PRSS23: variants seen among roughly 807,000 people sequenced by gnomAD.
PRSS23 encodes the protein serine protease 23.
A neutral mutation model predicts 34.7 loss-of-function variants in PRSS23; 25 were observed. That is an observed-to-expected ratio of 0.72 (90% CI 0.53 to 1.01). The LOEUF (loss-of-function observed/expected upper bound fraction) is 1.01. PRSS23 is among the 50% of genes least tolerant of loss of function. The pLI is 0.00. For missense variants in PRSS23, 445 were observed against 475.6 expected (o/e 0.94, Z 0.60); for synonymous variants, 176 against 186.6 (o/e 0.94, Z 0.46).
At chr11:86,930,514 G>A (rs989517928) in intron 2 of PRSS23, among the ~76,000 whole-genome samples, 49 of 152,128 alleles carry the variant, frequency 3.2e-4, no homozygotes, top group Admixed American at 2.8e-3. Flanking sequence ...GACCAGGGCC[G>A]GGCGCGGCGG....
Position 86,923,888 on chromosome 11 carries a change from C to T in PRSS23, c.207-27328C>T, listed in dbSNP as rs536452926. ...TTGTAAGAATTCCCAACAGAAAACACGATTCAAGAGTCAATGTGGGTGCTT... is the reference window on the plus strand; with the variant it reads ...TTGTAAGAATTCCCAACAGAAAACATGATTCAAGAGTCAATGTGGGTGCTT... On this transcript the variant is annotated intron_variant, in intron 2 of 2. Transcript: ENST00000533902. Among the ~76,000 whole-genome samples the T allele has an allele frequency of 3.9e-5, 6 of 152,118 alleles. No individual in the cohort carries two copies. In the East Asian group the frequency reaches 7.7e-4, roughly 20 times the overall value.
In PRSS23 at chr11:86,849,192, C is replaced by G. The variant is rs528051223; in HGVS notation, c.206+25599C>G. ...GCCCAGCTTTCTCAGGATTAATCTCCTGCCCTGGAAGACTGTCCTCAAAGT... is the reference window on the plus strand; with the variant it reads ...GCCCAGCTTTCTCAGGATTAATCTCGTGCCCTGGAAGACTGTCCTCAAAGT... On this transcript the variant is annotated intron_variant, in intron 2 of 2. Coordinates refer to the PRSS23 transcript ENST00000533902. Among the ~76,000 whole-genome samples the G allele has an allele frequency of 2.0e-5, 3 of 152,172 alleles. No individual in the cohort carries two copies. The South Asian group carries it at 6.2e-4, about 32-fold the overall frequency.
chr11:86,825,757 T>C (rs2134880395), intron 2 of PRSS23, among the ~76,000 whole-genome samples: 2 of 151,866 alleles, frequency 1.3e-5, no homozygotes, highest in African/African-American at 2.4e-5. Flanking sequence ...CCATTGCTTG[T>C]TTTTGTCAGG....
intron 2 of PRSS23, among the ~76,000 whole-genome samples, chr11:86,908,226 T>A (rs575469872): frequency 1.3e-5 from 2 of 152,180 alleles, no homozygotes; most frequent in East Asian, 3.9e-4. Flanking sequence ...GAAGTGGGAT[T>A]ATTGATTGGA....
intron 2 of PRSS23, chr11:86,837,432 A>G (rs1271471374): frequency 6.6e-6 from 1 of 152,188 alleles, no homozygotes; most frequent in Non-Finnish European, 1.5e-5. Flanking sequence ...AATTCATGTA[A>G]GATATAACTT....
intron 1 of PRSS23, among the ~76,000 whole-genome samples, chr11:86,803,071 CT>C (rs749090952): frequency 1.6e-4 from 25 of 152,172 alleles, no homozygotes; most frequent in Non-Finnish European, 2.9e-4. Context: ...CCATTCTTCC[CT>C]GCCAGTTAGG....
chr11:86,792,209 G>A (rs1203471450), intron 1 of PRSS23, among the ~76,000 whole-genome samples: 7 of 146,894 alleles, frequency 4.8e-5, no homozygotes, highest in Non-Finnish European at 1.1e-4. Context: ...GGAGATCAGA[G>A]TAGGAAGAGA....
intron 2 of PRSS23, among the ~76,000 whole-genome samples, chr11:86,883,515 A>G (rs751853089): frequency 2.0e-5 from 3 of 152,366 alleles, no homozygotes; most frequent in African/African-American, 7.2e-5. Flanking sequence ...AAAGACTTAA[A>G]TGTAAAACCC....
chr11:86,833,735 G>A (rs998296944), intron 2 of PRSS23, among the ~76,000 whole-genome samples: 18 of 152,108 alleles, frequency 1.2e-4, no homozygotes, highest in African/African-American at 4.3e-4. Flanking sequence ...GTTTAAAGGT[G>A]GATGCAGTCA....
intron 1 of PRSS23, among the ~76,000 whole-genome samples, chr11:86,806,632 T>A (rs1228185158): frequency 1.3e-5 from 2 of 152,236 alleles, no homozygotes; most frequent in Non-Finnish European, 1.5e-5. Context: ...GCCTCTCTTG[T>A]TCTTACTCCC....
At chr11:86,861,034 G>A (rs1948609750) in intron 2 of PRSS23, among the ~76,000 whole-genome samples, 2 of 151,902 alleles carry the variant, frequency 1.3e-5, no homozygotes, top group African/African-American at 4.8e-5. Context: ...AATATCGCAG[G>A]AGGTGTACAT....
At chr11:86,854,738 G>A (rs1339186315) in intron 2 of PRSS23, among the ~76,000 whole-genome samples, 2 of 152,192 alleles carry the variant, frequency 1.3e-5, no homozygotes, top group Non-Finnish European at 2.9e-5. Context: ...TGGAAATCAA[G>A]TTTCTCCAAC....
At chr11:86,849,501 A>G (rs943884677) in intron 2 of PRSS23, among the ~76,000 whole-genome samples, 1 of 152,222 alleles carries the variant, frequency 6.6e-6, no homozygotes, top group Non-Finnish European at 1.5e-5. Flanking sequence ...CATCCAATTC[A>G]AATCAGGCTA....
chr11:86,820,808 A>G (rs1216709603), intron 1 of PRSS23, among the ~76,000 whole-genome samples: 1 of 152,142 alleles, frequency 6.6e-6, no homozygotes, highest in East Asian at 1.9e-4. Flanking sequence ...GCTCTCGCTC[A>G]ATTTTTTTTA....
chr11:86,821,920 T>A (rs1565355549), intron 1 of PRSS23, among the ~76,000 whole-genome samples: 1 of 152,194 alleles, frequency 6.6e-6, no homozygotes, highest in Non-Finnish European at 1.5e-5. Context: ...AAAAAGCACT[T>A]GCTTTTATCT....
At chr11:86,941,459 CGA>C (rs1949206973) in intron 2 of PRSS23, among the ~76,000 whole-genome samples, 1 of 151,200 alleles carries the variant, frequency 6.6e-6, no homozygotes, top group Non-Finnish European at 1.5e-5. Flanking sequence ...GGCTGGCACA[CGA>C]TGGACCCTCA....
chr11:86,821,597 A>G (rs2134874183), intron 1 of PRSS23: 1 of 1,605,544 alleles, frequency 6.2e-7, no homozygotes, highest in Non-Finnish European at 8.5e-7. Context: ...CTCAAGACAG[A>G]ATTCCCTTAA....
At chr11:86,882,249 G>A (rs1476190267) in intron 2 of PRSS23, among the ~76,000 whole-genome samples, 5 of 152,102 alleles carry the variant, frequency 3.3e-5, no homozygotes, top group Non-Finnish European at 7.4e-5. Context: ...AGGATGTGTA[G>A]GTTTGTTAGT....
intron 2 of PRSS23, among the ~76,000 whole-genome samples, chr11:86,871,684 C>T (rs1474630251): frequency 1.3e-5 from 2 of 152,196 alleles, no homozygotes; most frequent in South Asian, 2.1e-4. Flanking sequence ...ACAATTGCCT[C>T]ATATATTTTA....
Sources: gnomAD v4.1 joint callset for allele counts (sites outside exome capture counted in the v4.1 genomes callset) on GRCh38, gnomAD v4.1.1 for gene constraint, MANE v1.5 for transcripts, NCBI Gene and HGNC (gene_info 2026-07-23, HGNC 2026-07-21) for gene names.